Variants in RBFOX3 observed in about 807,000 individuals in gnomAD.
RBFOX3 encodes RNA binding fox-1 homolog 3.
In RBFOX3, 17 loss-of-function variants were observed where a neutral mutation model predicts 48.7. That is an observed-to-expected ratio of 0.35 (90% CI 0.24 to 0.52). The LOEUF is 0.52. Ranked by LOEUF, RBFOX3 falls within the 20% of genes least tolerant of loss-of-function variation. RBFOX3 has a pLI of 0.94. For synonymous variants in RBFOX3, 212 were observed against 209.5 expected, an observed-to-expected ratio of 1.01 and a Z score of -0.10; for missense variants, 382 against 497.5, an observed-to-expected ratio of 0.77 and a Z score of 2.21.
intron 4 of RBFOX3, among the ~76,000 whole-genome samples, chr17:79,126,035 T>C (rs1199914694): frequency 6.6e-6 from 1 of 152,070 alleles, no homozygotes; most frequent in Non-Finnish European, 1.5e-5. Context: ...CCTGCAGAGG[T>C]GGATGTCACA....
chr17:79,143,049 T>A (rs1168940088), intron 4 of RBFOX3, among the ~76,000 whole-genome samples: 6 of 152,114 alleles, frequency 3.9e-5, no homozygotes, highest in Non-Finnish European at 8.8e-5. Flanking sequence ...TCCCTGCACA[T>A]CTGCTTCCCA....
chr17:79,370,940 C>T (rs1405383333), intron 2 of RBFOX3, among the ~76,000 whole-genome samples: 2 of 152,266 alleles, frequency 1.3e-5, no homozygotes, highest in African/African-American at 4.8e-5. Context: ...AAGCCAAGAA[C>T]ACCTGGAGCT....
At chr17:79,373,717 G>A (rs937404360) in intron 2 of RBFOX3, among the ~76,000 whole-genome samples, 4 of 151,916 alleles carry the variant, frequency 2.6e-5, no homozygotes, top group African/African-American at 4.8e-5. Flanking sequence ...CTCAACCCCC[G>A]AGCAGGAGCC....
chr17:79,136,334 T>C (rs1388176586), intron 4 of RBFOX3: 1 of 152,218 alleles, frequency 6.6e-6, no homozygotes, highest in Non-Finnish European at 1.5e-5. Flanking sequence ...TGCACCCCTA[T>C]GTAAGGTGGT....
chr17:79,586,255 CCAGG>C (rs2144949737), intron 1 of RBFOX3, among the ~76,000 whole-genome samples: 1 of 152,284 alleles, frequency 6.6e-6, no homozygotes, highest in Non-Finnish European at 1.5e-5. Flanking sequence ...GTCCCGGGAC[CCAGG>C]CACGGACGTG....
Position 79,115,702 on chromosome 17 carries a change from T to TC in RBFOX3, c.13_14insG (p.Tyr5Ter). ...CGGAGGGGGGTACTGGGCGGGGGGG[T>TC]AGGGCTGGGCCATCGCTTCAGGCGG... The part of the protein sequence containing the change: MAQP[Y>*]PPAQYPPPPQ... Residue 5 changes from tyrosine (Y) to a stop codon, truncating the protein, a stop_gained and frameshift_variant, in exon 5 of 15, where the codon TAC (tyrosine) becomes TGAC (stop). Coordinates refer to ENST00000693108, the MANE Select transcript of RBFOX3 (RefSeq NM_001350451.2). LOFTEE classifies it high-confidence loss of function. The TC allele has an allele frequency of 5.3e-6, 2 of 375,674 alleles. No individual in the cohort carries two copies. Among genetic ancestry groups the TC allele is most frequent in the Non-Finnish European group, 9.9e-6 (2 of 201,722 alleles). 23.3% of individuals were successfully genotyped at this position (375,674 alleles called of 1,614,324 possible).
At chr17:79,320,117 G>A (rs2078288940) in intron 2 of RBFOX3, among the ~76,000 whole-genome samples, 2 of 152,190 alleles carry the variant, frequency 1.3e-5, no homozygotes, top group African/African-American at 4.8e-5. Context: ...CTTCTTTGGT[G>A]GCATGTGGGA....
chr17:79,610,501 C>T (rs1416816450), intron 1 of RBFOX3, among the ~76,000 whole-genome samples: 1 of 152,008 alleles, frequency 6.6e-6, no homozygotes, highest in Non-Finnish European at 1.5e-5. Context: ...CGCCACGCAG[C>T]GCGCGGGACT....
intron 6 of RBFOX3, 75 bp from the exon 7 acceptor site, chr17:79,104,201 C>A: frequency 1.6e-6 from 2 of 1,278,502 alleles, no homozygotes; most frequent in Middle Eastern, 1.9e-4. Context: ...CAGCTGCCCG[C>A]TCCACTCCTG....
intron 2 of RBFOX3, among the ~76,000 whole-genome samples, chr17:79,402,562 A>T (rs2062949956): frequency 6.6e-6 from 1 of 152,216 alleles, no homozygotes; most frequent in South Asian, 2.1e-4. Flanking sequence ...GCGGACACAG[A>T]CAAAGCAGGA....
At chr17:79,515,863 G>A in intron 1 of RBFOX3, 1 of 152,342 alleles carries the variant, frequency 6.6e-6, no homozygotes, top group Admixed American at 6.5e-5. Context: ...GGACTAAACT[G>A]CTGCTGGGTG....
At chr17:79,407,562 C>A (rs983262351) in intron 2 of RBFOX3, among the ~76,000 whole-genome samples, 6 of 152,206 alleles carry the variant, frequency 3.9e-5, no homozygotes, top group African/African-American at 1.4e-4. Flanking sequence ...CGGGAACATG[C>A]AGTAACTCAC....
chr17:79,101,734 C>T lies in RBFOX3; in HGVS notation c.508-90G>A. On this transcript the variant is annotated intron_variant, in intron 8 of 14. Transcript: ENST00000693108. ...ACTCCTCCCCGCCCTGCTCCGTTAG[C>T]CCCCGGCACCCCCCGCCCCAGCCTC... 4.6e-6 allele frequency: 5 copies of T among 1,092,742 alleles called. No individual in the cohort carries two copies. The South Asian group carries it at 6.7e-5, about 15-fold the overall frequency. 67.7% of individuals were successfully genotyped at this position (1,092,742 alleles called of 1,614,324 possible). A position where few individuals can be genotyped will look rare whatever the true frequency, so the allele number is the denominator to read the frequency against.
At chr17:79,236,466 T>G (rs1278516148) in intron 3 of RBFOX3, among the ~76,000 whole-genome samples, 1 of 152,070 alleles carries the variant, frequency 6.6e-6, no homozygotes, top group Non-Finnish European at 1.5e-5. Flanking sequence ...TTTTTTGTAT[T>G]TTTAGTAGAG....
intron 1 of RBFOX3, among the ~76,000 whole-genome samples, chr17:79,542,714 CG>C (rs2089889322): frequency 1.3e-5 from 2 of 152,312 alleles, no homozygotes; most frequent in Admixed American, 1.3e-4. Flanking sequence ...ACCCAGGCGG[CG>C]GAGGCTGCAG....
At chr17:79,261,694 G>A (rs2148474779) in intron 3 of RBFOX3, among the ~76,000 whole-genome samples, 1 of 152,334 alleles carries the variant, frequency 6.6e-6, no homozygotes, top group African/African-American at 2.4e-5. Context: ...GCACACAGGC[G>A]GGTGGGCGGC....
chr17:79,269,422 T>G (rs140240289), intron 3 of RBFOX3, among the ~76,000 whole-genome samples: 1 of 152,298 alleles, frequency 6.6e-6, no homozygotes, highest in East Asian at 1.9e-4. Context: ...CAGGTCACTG[T>G]CCAGGACTCC....
At chr17:79,498,473 C>T (rs1598947908) in intron 1 of RBFOX3, among the ~76,000 whole-genome samples, 1 of 1,148 alleles carries the variant, frequency 8.7e-4, no homozygotes, top group Non-Finnish European at 2.2e-3. Context: ...ATTCACTCAT[C>T]CATCCATCCA....
intron 2 of RBFOX3, among the ~76,000 whole-genome samples, chr17:79,434,381 G>A (rs970048275): frequency 6.6e-5 from 10 of 152,140 alleles, no homozygotes; most frequent in East Asian, 1.9e-4. Flanking sequence ...ATGGACTTAT[G>A]GGGCCGTTTG....
Sources: gnomAD v4.1 joint callset for allele counts (sites outside exome capture counted in the v4.1 genomes callset) on GRCh38, gnomAD v4.1.1 for gene constraint, MANE v1.5 for transcripts, NCBI Gene and HGNC (gene_info 2026-07-23, HGNC 2026-07-21) for gene names.